MOB3B: variants seen among roughly 807,000 people sequenced by gnomAD.
MOB3B encodes MOB kinase activator-like 2B.
In MOB3B, 7 loss-of-function variants were observed where a neutral mutation model predicts 18.7. That is an observed-to-expected ratio of 0.37 (90% CI 0.21 to 0.70). The LOEUF is 0.70. MOB3B is among the 30% of genes least tolerant of loss of function. The pLI is 0.52. For missense variants in MOB3B, 253 were observed against 281.3 expected, an observed-to-expected ratio of 0.90 and a Z score of 0.72; for synonymous variants, 111 against 99.9, an observed-to-expected ratio of 1.11 and a Z score of -0.66.
Position 27,485,563 on chromosome 9 carries a change from A to G in MOB3B, c.-198-29815T>C, listed in dbSNP as rs144681024. On this transcript the variant is annotated intron_variant, in intron 1 of 3. Transcript: ENST00000262244. ...TATTAGCCCCTTTCTTTGCACTCCA[A>G]TGGCTCCTGCTTTACATTTCACTTT... is the stretch of plus-strand genomic sequence containing the variant. Among the ~76,000 whole-genome samples the G allele has an allele frequency of 4.0e-3, 605 of 152,274 alleles. 3 individuals carry two copies. Among genetic ancestry groups the G allele is most frequent in the African/African-American group, 0.014 (576 of 41,544 alleles).
intron 1 of MOB3B, among the ~76,000 whole-genome samples, chr9:27,464,998 C>A (rs546522341): frequency 1.4e-4 from 21 of 152,228 alleles, no homozygotes; most frequent in African/African-American, 5.1e-4. Flanking sequence ...TATCATTCTG[C>A]CCCTGGCCCC....
At chr9:27,522,170 A>G (rs889213701) in intron 1 of MOB3B, among the ~76,000 whole-genome samples, 2 of 132,342 alleles carry the variant, frequency 1.5e-5, no homozygotes, top group African/African-American at 5.7e-5. Flanking sequence ...TGAACCCGGG[A>G]GGCGGAGGTT....
At chr9:27,519,891 G>T (rs1046233563) in intron 1 of MOB3B, among the ~76,000 whole-genome samples, 4 of 151,798 alleles carry the variant, frequency 2.6e-5, no homozygotes, top group Non-Finnish European at 5.9e-5. Context: ...GTTGCCAGAG[G>T]TGACTGCGTT....
chr9:27,363,458 C>T (rs943467002), intron 2 of MOB3B, among the ~76,000 whole-genome samples: 1 of 151,518 alleles, frequency 6.6e-6, no homozygotes, highest in Non-Finnish European at 1.5e-5. Flanking sequence ...TTAGTAGAGA[C>T]GGGGTTTCAC....
chr9:27,388,266 T>G (rs1215542612), intron 2 of MOB3B, among the ~76,000 whole-genome samples: 1 of 152,216 alleles, frequency 6.6e-6, no homozygotes, highest in African/African-American at 2.4e-5. Context: ...AAATGATTTA[T>G]GTAGGAGGCT....
intron 2 of MOB3B, among the ~76,000 whole-genome samples, chr9:27,366,730 T>C (rs149780117): frequency 2.0e-3 from 302 of 152,300 alleles, no homozygotes; most frequent in African/African-American, 6.9e-3. Flanking sequence ...GGGCTGAACC[T>C]GGGCTTTTGT....
chr9:27,515,954 G>C (rs1351113354), intron 1 of MOB3B, among the ~76,000 whole-genome samples: 2 of 152,212 alleles, frequency 1.3e-5, no homozygotes, highest in African/African-American at 4.8e-5. Context: ...ATTAGGGTAG[G>C]TACTAAGTGT....
chr9:27,348,810 T>G (rs1821067122), intron 3 of MOB3B, among the ~76,000 whole-genome samples: 1 of 152,226 alleles, frequency 6.6e-6, no homozygotes, highest in Non-Finnish European at 1.5e-5. Context: ...ATTTCCATCT[T>G]GGTTGCCCTC....
At chr9:27,483,060 A>C (rs1436049490) in intron 1 of MOB3B, among the ~76,000 whole-genome samples, 1 of 152,158 alleles carries the variant, frequency 6.6e-6, no homozygotes, top group Non-Finnish European at 1.5e-5. Flanking sequence ...AATTGTTTCC[A>C]AAATACAAAG....
chr9:27,391,833 C>T (rs1821732832), intron 2 of MOB3B: 1 of 152,170 alleles, frequency 6.6e-6, no homozygotes, highest in African/African-American at 2.4e-5. Context: ...ATTAATTTTA[C>T]TTAATTTGAT....
At chr9:27,421,268 T>C (rs1822245667) in intron 2 of MOB3B, 2 of 152,136 alleles carry the variant, frequency 1.3e-5, no homozygotes, top group Non-Finnish European at 2.9e-5. Context: ...TTTTTGTATT[T>C]TTAGTGGAGA....
chr9:27,378,710 G>C (rs1162408449), intron 2 of MOB3B: 3 of 470,834 alleles, frequency 6.4e-6, no homozygotes, highest in Non-Finnish European at 1.3e-5. Context: ...TTTGAGTATT[G>C]CATGTGCATG....
At chr9:27,517,515 G>GCACATGC (rs952578012) in intron 1 of MOB3B, among the ~76,000 whole-genome samples, 4 of 151,880 alleles carry the variant, frequency 2.6e-5, no homozygotes, top group Non-Finnish European at 4.4e-5. Context: ...GGGCGTAGTG[G>GCACATGC]CACATGCCTG....
intron 1 of MOB3B, among the ~76,000 whole-genome samples, chr9:27,523,121 C>A (rs915777415): frequency 2.6e-5 from 4 of 151,910 alleles, no homozygotes; most frequent in African/African-American, 7.3e-5. Context: ...TAATGTATAT[C>A]TTTTTTTTCT....
chr9:27,418,446 T>C (rs1038787261), intron 2 of MOB3B, among the ~76,000 whole-genome samples: 2 of 151,990 alleles, frequency 1.3e-5, no homozygotes, highest in African/African-American at 4.8e-5. Flanking sequence ...AAAAAAATAC[T>C]AGCTAACCAA....
rs186398649 is a variant in MOB3B at position 27,326,597 on chromosome 9, A to G, written c.*3990T>C. 146 of 398,490 alleles carry G rather than the reference A, an allele frequency of 3.7e-4. No homozygotes were observed. The highest frequency in any genetic ancestry group is 2.9e-3 in the African/African-American group (139 of 48,744). 24.7% of individuals were successfully genotyped at this position (398,490 alleles called of 1,614,324 possible). ...GAGAGGAGTATAGATTTTTTCACCAAGGAAGTTACTGGCATGGTTTGAGAG... is the reference window on the plus strand; with the variant it reads ...GAGAGGAGTATAGATTTTTTCACCAGGGAAGTTACTGGCATGGTTTGAGAG... On this transcript the variant is annotated 3_prime_UTR_variant, in exon 4 of 4. Transcript: ENST00000262244.
chr9:27,473,257 C>G (rs770497992), intron 1 of MOB3B, among the ~76,000 whole-genome samples: 1 of 152,198 alleles, frequency 6.6e-6, no homozygotes, highest in Non-Finnish European at 1.5e-5. Flanking sequence ...ATAAAGTACA[C>G]GTTTTTCTCA....
At chr9:27,347,364 A>G (rs983092647) in intron 3 of MOB3B, among the ~76,000 whole-genome samples, 6 of 152,256 alleles carry the variant, frequency 3.9e-5, no homozygotes, top group Non-Finnish European at 7.3e-5. Context: ...GCCTGCACAT[A>G]GAAGCAGGCT....
chr9:27,446,143 C>T (rs1271801870), intron 2 of MOB3B, among the ~76,000 whole-genome samples: 1 of 152,110 alleles, frequency 6.6e-6, no homozygotes, highest in Non-Finnish European at 1.5e-5. Flanking sequence ...GGCCTCTTCG[C>T]CAAGTTTTGT....
Sources: gnomAD v4.1 joint callset for allele counts (sites outside exome capture counted in the v4.1 genomes callset) on GRCh38, gnomAD v4.1.1 for gene constraint, MANE v1.5 for transcripts, NCBI Gene and HGNC (gene_info 2026-07-23, HGNC 2026-07-21) for gene names.